Variants in AFG2A observed in about 807,000 individuals in gnomAD.
The protein encoded by AFG2A is ATPase family gene 2 protein homolog A.
chr4:122,965,379 T>C, the AFG2A span, among the ~76,000 whole-genome samples: 125 of 152,312 alleles, frequency 8.2e-4, 1 homozygote, highest in African/African-American at 2.9e-3. Context: ...TTAGAATAAT[T>C]GCTCTTGTCC....
chr4:123,012,552 A>G, the AFG2A span, among the ~76,000 whole-genome samples: 1 of 152,264 alleles, frequency 6.6e-6, no homozygotes, highest in South Asian at 2.1e-4. Flanking sequence ...CACCAATGAA[A>G]TGTGGGTGAA....
the AFG2A span, among the ~76,000 whole-genome samples, chr4:123,071,218 C>T: frequency 1.2e-4 from 18 of 152,068 alleles, no homozygotes; most frequent in African/African-American, 3.9e-4. Context: ...TGGTGGCTCA[C>T]GCCTGTAATC....
At chr4:123,209,142 C>G in the AFG2A span, among the ~76,000 whole-genome samples, 5 of 152,162 alleles carry the variant, frequency 3.3e-5, no homozygotes, top group Non-Finnish European at 7.3e-5. Context: ...ATTAATTGAA[C>G]CCAAGCAGGG....
the AFG2A span, among the ~76,000 whole-genome samples, chr4:123,146,351 A>G: frequency 1.3e-5 from 2 of 152,170 alleles, no homozygotes; most frequent in Non-Finnish European, 2.9e-5. Flanking sequence ...AAAACGGAAA[A>G]GAAGGGGAAG....
the AFG2A span, among the ~76,000 whole-genome samples, chr4:123,295,950 C>G: frequency 6.6e-6 from 1 of 152,162 alleles, no homozygotes; most frequent in East Asian, 1.9e-4. Context: ...AGCGTGAATA[C>G]TATGCTAACA....
the AFG2A span, among the ~76,000 whole-genome samples, chr4:123,195,060 G>A: frequency 6.6e-6 from 1 of 152,178 alleles, no homozygotes; most frequent in East Asian, 1.9e-4. Flanking sequence ...GTGCCTTGAG[G>A]CATTAAACAA....
the AFG2A span, among the ~76,000 whole-genome samples, chr4:123,099,577 C>T: frequency 6.6e-6 from 1 of 150,980 alleles, no homozygotes; most frequent in Non-Finnish European, 1.5e-5. Context: ...CGTACGTTTT[C>T]TGAAGATACA....
At chr4:123,100,211 C>T in the AFG2A span, among the ~76,000 whole-genome samples, 2 of 151,708 alleles carry the variant, frequency 1.3e-5, no homozygotes, top group Non-Finnish European at 3.0e-5. Flanking sequence ...TATTAATTCA[C>T]GAAATAGACC....
At chr4:123,161,695 A>G in the AFG2A span, among the ~76,000 whole-genome samples, 4 of 152,166 alleles carry the variant, frequency 2.6e-5, no homozygotes, top group African/African-American at 7.2e-5. Context: ...AGAAAAAAAT[A>G]CTGTCATGAG....
the AFG2A span, among the ~76,000 whole-genome samples, chr4:123,070,044 A>C: frequency 1.3e-5 from 2 of 152,172 alleles, no homozygotes; most frequent in Non-Finnish European, 2.9e-5. Flanking sequence ...AAGTAAGGCT[A>C]AGTAAGGAAC....
chr4:123,130,266 C>T, the AFG2A span, among the ~76,000 whole-genome samples: 1 of 152,166 alleles, frequency 6.6e-6, no homozygotes, highest in Non-Finnish European at 1.5e-5. Context: ...GTCCTTTCAC[C>T]TCAGCTTCCC....
the AFG2A span, among the ~76,000 whole-genome samples, chr4:123,284,004 C>T: frequency 9.9e-5 from 15 of 152,104 alleles, no homozygotes; most frequent in African/African-American, 3.6e-4. Flanking sequence ...CCTCTTCACA[C>T]ACACATACCT....
chr4:122,934,376 A>G, the AFG2A span: 1 of 1,614,210 alleles, frequency 6.2e-7, no homozygotes, highest in Non-Finnish European at 8.5e-7. Context: ...AGAATTACAA[A>G]TAAAGCCAGT....
At chr4:123,071,223 G>A in the AFG2A span, among the ~76,000 whole-genome samples, 2 of 152,184 alleles carry the variant, frequency 1.3e-5, no homozygotes, top group South Asian at 2.1e-4. Context: ...GCTCACGCCT[G>A]TAATCCCAGC....
chr4:123,171,486 C>A, the AFG2A span, among the ~76,000 whole-genome samples: 1 of 152,058 alleles, frequency 6.6e-6, no homozygotes, highest in Non-Finnish European at 1.5e-5. Context: ...GGAGAGAGGA[C>A]AGATCAGAAA....
At chr4:123,056,327 G>A in the AFG2A span, 61 of 1,493,664 alleles carry the variant, frequency 4.1e-5, no homozygotes, top group Non-Finnish European at 5.1e-5. Flanking sequence ...TACTTCATTG[G>A]AAGAAATATA....
chr4:123,144,984 A>G, the AFG2A span, among the ~76,000 whole-genome samples: 1 of 152,050 alleles, frequency 6.6e-6, no homozygotes. Context: ...TTTTCTTTAG[A>G]ACATACAGGC....
chr4:123,079,603 A>G, the AFG2A span, among the ~76,000 whole-genome samples: 1 of 152,018 alleles, frequency 6.6e-6, no homozygotes, highest in South Asian at 2.1e-4. Context: ...AGTCAGGTTA[A>G]CATTTTTTTG....
chr4:123,292,698 G>A, the AFG2A span, among the ~76,000 whole-genome samples: 1 of 152,076 alleles, frequency 6.6e-6, no homozygotes, highest in Non-Finnish European at 1.5e-5. Context: ...CCAGTGTGCT[G>A]GGTGTGTGAA....
Sources: allele counts gnomAD v4.1 joint callset (sites outside exome capture counted in the v4.1 genomes callset), GRCh38; gene constraint gnomAD v4.1.1; transcripts MANE v1.5; gene names NCBI Gene and HGNC (gene_info 2026-07-23, HGNC 2026-07-21).